The following TEKT1 variants were observed in gnomAD, a reference collection of about 807,000 sequenced individuals.
TEKT1 encodes tektin 1.
In TEKT1, 32 loss-of-function variants were observed where a neutral mutation model predicts 34.8. That is an observed-to-expected ratio of 0.92 (90% CI 0.69 to 1.23). TEKT1 has a LOEUF of 1.23. TEKT1 is among the 50% of genes most tolerant of loss of function. TEKT1 has a pLI of 0.00. For synonymous variants in TEKT1, 207 were observed against 199.8 expected, an observed-to-expected ratio of 1.04 and a Z score of -0.30; for missense variants, 492 against 518.5, an observed-to-expected ratio of 0.95 and a Z score of 0.50.
intron 6 of TEKT1, among the ~76,000 whole-genome samples, chr17:6,809,539 T>C (rs1259619092): frequency 1.3e-5 from 2 of 152,196 alleles, no homozygotes; most frequent in Non-Finnish European, 2.9e-5. Context: ...GCCGATTCTA[T>C]GGGTTTTGAC....
chr17:6,815,977 G>T lies in TEKT1; in HGVS notation c.357-15C>A. 6.2e-7 allele frequency: 1 copy of T among 1,613,294 alleles called. No homozygotes were observed. The stretch of plus-strand genomic sequence containing the variant: ...TGCGCTTCTCCCTGGCAGGGGGAAA[G>T]GCAGCCAGTCAGCCAACACGTGCAA... On this transcript the variant is annotated splice_polypyrimidine_tract_variant and intron_variant, in intron 3 of 7. Transcript: ENST00000338694.
chr17:6,800,003 T>G lies in TEKT1; in HGVS notation c.*24A>C. On this transcript the variant is annotated 3_prime_UTR_variant, in exon 8 of 8. Transcript: ENST00000338694. The stretch of plus-strand genomic sequence containing the variant: ...AACTACTGTTTACAATGTGGTTTAA[T>G]GAGAATTGGAACTAGCCCTACTATT... The G allele has an allele frequency of 5.0e-6, 8 of 1,590,822 alleles. No individual in the cohort carries two copies. The highest frequency in any genetic ancestry group is 1.7e-5 in the Admixed American group (1 of 59,146).
intron 5 of TEKT1, among the ~76,000 whole-genome samples, chr17:6,813,796 G>A (rs1976961202): frequency 6.6e-6 from 1 of 152,068 alleles, no homozygotes; most frequent in Admixed American, 6.6e-5. Context: ...CTCTGAGATG[G>A]CACTTAGTGA....
chr17:6,800,323 G>A, intron 7 of TEKT1, 89 bp from the exon 8 acceptor site: 1 of 1,122,306 alleles, frequency 8.9e-7, no homozygotes, highest in Non-Finnish European at 1.3e-6. Flanking sequence ...TTCAGTGCAG[G>A]AGCCAAATTG....
chr17:6,827,615 G>T (rs1567682623), intron 2 of TEKT1, among the ~76,000 whole-genome samples: 1 of 152,048 alleles, frequency 6.6e-6, no homozygotes, highest in East Asian at 1.9e-4. Flanking sequence ...GAAGCAGTTT[G>T]CCAATTTCAC....
intron 2 of TEKT1, among the ~76,000 whole-genome samples, chr17:6,822,867 AG>A (rs1977113185): frequency 1.3e-5 from 2 of 152,210 alleles, no homozygotes; most frequent in African/African-American, 4.8e-5. Context: ...AATGCTGTCT[AG>A]AGGGACAGTG....
intron 1 of TEKT1, 82 bp from the exon 2 acceptor site, chr17:6,830,475 A>G (rs999214260): frequency 7.3e-6 from 7 of 958,750 alleles, no homozygotes; most frequent in South Asian, 3.8e-5. Flanking sequence ...GATGACATAT[A>G]TACGGAAAAT....
intron 6 of TEKT1, among the ~76,000 whole-genome samples, chr17:6,808,369 C>A (rs1017917912): frequency 2.0e-5 from 3 of 152,156 alleles, no homozygotes; most frequent in Non-Finnish European, 2.9e-5. Flanking sequence ...ATCTGTCACC[C>A]CTTTCTTTGA....
In TEKT1 at chr17:6,799,980, C is replaced by T. The variant is rs1384176084; in HGVS notation, c.*47G>A. The T allele has an allele frequency of 6.4e-7, 1 of 1,554,134 alleles. No individual in the cohort carries two copies. The highest frequency in any genetic ancestry group is 1.4e-5 in the African/African-American group (1 of 74,052). On this transcript the variant is annotated 3_prime_UTR_variant, in exon 8 of 8. Coordinates refer to ENST00000338694, the MANE Select transcript of TEKT1 (RefSeq NM_053285.2). ...AAATGAGAGCTCTGTACTACTGTAA[C>T]TACTGTTTACAATGTGGTTTAATGA...
At chr17:6,803,976 G>A (rs1183374397) in intron 6 of TEKT1, among the ~76,000 whole-genome samples, 1 of 152,096 alleles carries the variant, frequency 6.6e-6, no homozygotes. Flanking sequence ...CTTTAAAGTA[G>A]TTTTTTCCAA....
rs768808502 is a variant in TEKT1, at chr17:6,815,834, C to T, written c.485G>A (p.Arg162Gln). 12 of 1,614,002 alleles carry T rather than the reference C, an allele frequency of 7.4e-6. No homozygotes were observed. The highest frequency in any genetic ancestry group is 2.2e-5 in the East Asian group (1 of 44,894). The part of the protein sequence containing the change: ...RTLEEASEQI[R>Q]MNRSAKYNLE... Reference sequence around the variant, plus strand: ...TGGAGGGCAGGCCGAAGAGTCATACCGAATCTGCTCGGAAGCCTCCTCCAA... The same window carrying T: ...TGGAGGGCAGGCCGAAGAGTCATACTGAATCTGCTCGGAAGCCTCCTCCAA... Residue 162 changes from arginine to glutamine, a missense_variant and splice_region_variant, in exon 4 of 8, where the codon CGG (arginine) becomes CAG (glutamine). Coordinates refer to ENST00000338694, the MANE Select transcript of TEKT1 (RefSeq NM_053285.2).
At chr17:6,801,361 G>A (rs1188596444) in intron 6 of TEKT1, among the ~76,000 whole-genome samples, 1 of 152,206 alleles carries the variant, frequency 6.6e-6, no homozygotes, top group Non-Finnish European at 1.5e-5. Context: ...GAAAGAAGGA[G>A]CAGTTGGGTC....
In TEKT1 at chr17:6,815,963, C is replaced by G. The variant is rs148724722; in HGVS notation, c.357-1G>C. 1.2e-5 allele frequency: 19 copies of G among 1,613,862 alleles called. No homozygotes were observed. Among genetic ancestry groups the G allele is most frequent in the Non-Finnish European group, 1.6e-5 (19 of 1,180,016 alleles). ...CAGGTCAATGCCAATGCGCTTCTCC[C>G]TGGCAGGGGGAAAGGCAGCCAGTCA... is the stretch of plus-strand genomic sequence containing the variant. On this transcript the variant is annotated splice_acceptor_variant, in intron 3 of 7. Coordinates refer to ENST00000338694, the MANE Select transcript of TEKT1 (RefSeq NM_053285.2). LOFTEE classifies it high-confidence loss of function.
intron 6 of TEKT1, among the ~76,000 whole-genome samples, chr17:6,804,300 A>G (rs1163416317): frequency 2.6e-5 from 4 of 152,134 alleles, no homozygotes; most frequent in Non-Finnish European, 1.5e-5. Context: ...TGATTTTTGC[A>G]CATTGATTTT....
intron 6 of TEKT1, among the ~76,000 whole-genome samples, chr17:6,802,127 G>A (rs1040665610): frequency 6.6e-6 from 1 of 152,110 alleles, no homozygotes; most frequent in African/African-American, 2.4e-5. Context: ...AATATTTAGT[G>A]ATCACATTTC....
chr17:6,812,879 C>CTTG lies in TEKT1; in HGVS notation c.803_804insCAA (p.Lys269dup). The CTTG allele has an allele frequency of 6.2e-7, 1 of 1,614,208 alleles. No homozygotes were observed. Among genetic ancestry groups the CTTG allele is most frequent in the Non-Finnish European group, 8.5e-7 (1 of 1,180,050 alleles). On this transcript the variant is annotated inframe_insertion, in exon 6 of 8. Transcript: ENST00000338694. ...TGTCCCTGGCATCCTTTGTATCCTT[C>CTTG]AGCCCATTCTTGAATGCCGTGTCCA...
At chr17:6,802,339 A>G (rs1475312542) in intron 6 of TEKT1, among the ~76,000 whole-genome samples, 1 of 152,216 alleles carries the variant, frequency 6.6e-6, no homozygotes, top group Non-Finnish European at 1.5e-5. Context: ...AATTGCTCCT[A>G]CTTCAAACTT....
chr17:6,800,710 G>T, intron 7 of TEKT1, 37 bp downstream of exon 7: 2 of 1,581,108 alleles, frequency 1.3e-6, no homozygotes, highest in South Asian at 2.3e-5. Context: ...TTGGGATTGA[G>T]ACCCGAAGGC....
intron 6 of TEKT1, among the ~76,000 whole-genome samples, chr17:6,803,799 G>C (rs1480121462): frequency 1.3e-5 from 2 of 152,142 alleles, no homozygotes; most frequent in Non-Finnish European, 2.9e-5. Context: ...TGAGGGCTCT[G>C]TTCTGTTCCA....
Sources: gnomAD v4.1 joint callset for allele counts (sites outside exome capture counted in the v4.1 genomes callset) on GRCh38, gnomAD v4.1.1 for gene constraint, MANE v1.5 for transcripts, NCBI Gene and HGNC (gene_info 2026-07-23, HGNC 2026-07-21) for gene names.